POLR3GL: variants seen among roughly 807,000 people sequenced by gnomAD.
The protein encoded by POLR3GL is RNA polymerase III subunit GL.
In POLR3GL, 26 loss-of-function variants were observed where a neutral mutation model predicts 32.4. The ratio of observed to expected loss-of-function variants is 0.80; its 90% CI spans 0.59 to 1.11. The LOEUF (loss-of-function observed/expected upper bound fraction) is 1.11, where lower values mean the gene tolerates loss of function less well. Among genes scored for constraint, POLR3GL ranks in the 50% most tolerant of loss-of-function variants. The probability of loss-of-function intolerance (pLI) is 0.00; values close to 1 mark genes in which losing one functional copy is unlikely to be tolerated. For synonymous variants in POLR3GL, 95 were observed against 98.7 expected (o/e 0.96, Z 0.22); for missense variants, 229 against 280.1 (o/e 0.82, Z 1.30).
intron 1 of POLR3GL, among the ~76,000 whole-genome samples, chr1:145,965,994 T>A (rs1203400290): frequency 6.6e-6 from 1 of 151,680 alleles, no homozygotes; most frequent in African/African-American, 2.4e-5. Context: ...CGCATGCCTG[T>A]AATCCCAGCT....
chr1:145,971,958 CTG>C (rs1299755918), intron 1 of POLR3GL, among the ~76,000 whole-genome samples: 1 of 79,532 alleles, frequency 1.3e-5, no homozygotes, highest in Non-Finnish European at 2.1e-5. Context: ...GAGTGAGACT[CTG>C]TCTCAAAAAA....
rs1650634651 is a variant in POLR3GL, at chr1:145,977,848, A to G, written c.453A>G (p.Leu151=). Reference sequence around the variant, plus strand: ...ATAAGGAGGAAACAATACAGAAACTAGAGGTGAGGAGGAAGTGTGCATAGA... The same window carrying G: ...ATAAGGAGGAAACAATACAGAAACTGGAGGTGAGGAGGAAGTGTGCATAGA... The part of the protein sequence containing the change: ...TEDKEETIQK[L]ETLEKKEEEV... Residue 151 remains leucine, a synonymous_variant, in exon 6 of 8, where the codon CTA becomes CTG. Coordinates refer to ENST00000369314, the MANE Select transcript of POLR3GL (RefSeq NM_032305.3). The G allele has an allele frequency of 2.5e-6, 4 of 1,613,922 alleles. No individual in the cohort carries two copies. The South Asian group carries it at 4.4e-5, about 18-fold the overall frequency.
chr1:145,977,170 T>A lies in POLR3GL; in HGVS notation c.325+18T>A, dbSNP rs367847486. On this transcript the variant is annotated intron_variant, in intron 4 of 7. Coordinates refer to ENST00000369314, the MANE Select transcript of POLR3GL (RefSeq NM_032305.3). ...GAACCCTGGTAGGTGATGGGCCCTT[T>A]CATTGACTGCCCTTCTTTCAAATGC... is the stretch of plus-strand genomic sequence containing the variant. The A allele has an allele frequency of 5.3e-5, 85 of 1,597,642 alleles. No homozygotes were observed. The African/African-American group carries it at 7.8e-4, about 15-fold the overall frequency.
rs1210326375 is a variant in POLR3GL, at chr1:145,977,488, C to T, written c.331C>T (p.Arg111Trp). 9 of 1,613,732 alleles carry T rather than the reference C, an allele frequency of 5.6e-6. No homozygotes were observed. Among genetic ancestry groups the T allele is most frequent in the East Asian group, 2.2e-5 (1 of 44,896 alleles). ...TACGTTCCCACTATTCCCAGATTGG[C>T]GGCGTCTACCCCGGGAGCTAAAGAT... ...DNAIDWNPDW[R>W]RLPRELKIRV... The change falls in exon 5 of 8, where the codon CGG (arginine) becomes TGG (tryptophan). Residue 111 changes from arginine (R) to tryptophan (W), a missense_variant. Arg to Trp is a moderately radical substitution (Grantham distance 101, BLOSUM62 -3). Coordinates refer to ENST00000369314, the MANE Select transcript of POLR3GL (RefSeq NM_032305.3).
intron 1 of POLR3GL, among the ~76,000 whole-genome samples, chr1:145,971,185 C>CA (rs36126138): frequency 0.75 from 68,017 of 90,918 alleles, 26,102 homozygotes; most frequent in Non-Finnish European, 0.84. Flanking sequence ...AACTCCATCT[C>CA]AAAAAAAAAA....
At chr1:145,965,667 C>G (rs1454833385) in intron 1 of POLR3GL, among the ~76,000 whole-genome samples, 1 of 152,184 alleles carries the variant, frequency 6.6e-6, no homozygotes, top group African/African-American at 2.4e-5. Context: ...AATTTTTACC[C>G]AGCTTCTATG....
At position 145,978,623 on chromosome 1, in the gene POLR3GL, T is replaced by C. The variant is rs1650676063; in HGVS notation, c.*176T>C. Reference sequence around the variant, plus strand: ...TTTCTACACTTCCCCTCCTTCCACATTTGTATCACCTTTGCTATCTTGGGG... The same window carrying C: ...TTTCTACACTTCCCCTCCTTCCACACTTGTATCACCTTTGCTATCTTGGGG... On this transcript the variant is annotated 3_prime_UTR_variant, in exon 8 of 8. Transcript: ENST00000369314. The C allele has an allele frequency of 1.6e-6, 1 of 622,792 alleles. No homozygotes were observed. The allele number at this position is 622,792 out of a possible 1,614,324, so 38.6% of individuals were successfully genotyped here. A position where few individuals can be genotyped will look rare whatever the true frequency, so the allele number is the denominator to read the frequency against.
At chr1:145,972,814 T>C (rs1650380687) in intron 1 of POLR3GL, among the ~76,000 whole-genome samples, 1 of 152,012 alleles carries the variant, frequency 6.6e-6, no homozygotes, top group South Asian at 2.1e-4. Flanking sequence ...TCCTTCCCAG[T>C]AGGGAAGGAT....
rs587640522 is a variant in POLR3GL at position 145,974,045 on chromosome 1, T to C, written c.-41-780T>C. On this transcript the variant is annotated intron_variant, in intron 1 of 7. Coordinates refer to ENST00000369314, the MANE Select transcript of POLR3GL (RefSeq NM_032305.3). ...TACTTGGGAGGCTAAGGCAGGAGGA[T>C]CACCTGAGCCCAGGAGGTTGAGGCT... Among the ~76,000 whole-genome samples, 12 of 149,130 alleles carry C rather than the reference T, an allele frequency of 8.0e-5. 1 individual carries two copies. The South Asian group carries it at 2.6e-3, about 32-fold the overall frequency.
chr1:145,974,659 A>G (rs1366617839), intron 1 of POLR3GL, among the ~76,000 whole-genome samples, 166 bp from the exon 2 acceptor site: 2 of 152,220 alleles, frequency 1.3e-5, no homozygotes, highest in Non-Finnish European at 2.9e-5. Flanking sequence ...ATTCATGTTT[A>G]TATTTCCAGA....
Position 145,977,142 on chromosome 1 carries a change from T to C in POLR3GL, c.315T>C (p.Asp105=), listed in dbSNP as rs1553763539. The C allele has an allele frequency of 3.1e-6, 5 of 1,613,606 alleles. No individual in the cohort carries two copies. Among genetic ancestry groups the C allele is most frequent in the Admixed American group, 1.7e-5 (1 of 59,986 alleles). Residue 105 remains aspartate (D), a synonymous_variant, in exon 4 of 8, where the codon GAT becomes GAC. Transcript: ENST00000369314. The stretch of plus-strand genomic sequence containing the variant: ...CAGGTCCGATTGACAATGCCATCGA[T>C]TGGAACCCTGGTAGGTGATGGGCCC... ...QMSGPIDNAI[D]WNPDWRRLPR...
chr1:145,977,648 C>G lies in POLR3GL; in HGVS notation c.382+109C>G, dbSNP rs1650623976. On this transcript the variant is annotated intron_variant, in intron 5 of 7. Coordinates refer to ENST00000369314, the MANE Select transcript of POLR3GL (RefSeq NM_032305.3). ...CATCCCAGTTCCTATACCCAATCTA[C>G]CAAGTGTTGTTGCTAGATGTCATAG... The G allele has an allele frequency of 3.1e-6, 4 of 1,304,018 alleles. No homozygotes were observed. In the South Asian group the frequency reaches 3.6e-5, roughly 12 times the overall value. The allele number at this position is 1,304,018 out of a possible 1,614,324, so 80.8% of individuals were successfully genotyped here. A position where few individuals can be genotyped will look rare whatever the true frequency, so the allele number is the denominator to read the frequency against.
chr1:145,975,840 T>A (rs1553763313), intron 3 of POLR3GL, among the ~76,000 whole-genome samples: 2 of 152,000 alleles, frequency 1.3e-5, no homozygotes, highest in African/African-American at 2.4e-5. Flanking sequence ...CCCAGCAAAA[T>A]TTTTAACAAT....
At chr1:145,976,384 T>G (rs1571000123) in intron 3 of POLR3GL, among the ~76,000 whole-genome samples, 1 of 146,336 alleles carries the variant, frequency 6.8e-6, no homozygotes, top group African/African-American at 2.5e-5. Context: ...CAAGACCAGC[T>G]TGGCCAACAT....
chr1:145,978,495 C>T lies in POLR3GL; in HGVS notation c.*48C>T, dbSNP rs1286835307. The stretch of plus-strand genomic sequence containing the variant: ...TCTTTCTTTAGGATACAGAGAGTAA[C>T]TGTACCTATTATTTGTTTCTTCAGA... On this transcript the variant is annotated 3_prime_UTR_variant, in exon 8 of 8. Transcript: ENST00000369314. 4 of 1,157,914 alleles carry T rather than the reference C, an allele frequency of 3.5e-6. No individual in the cohort carries two copies. The Admixed American group carries it at 5.6e-5, about 16-fold the overall frequency. 71.7% of individuals were successfully genotyped at this position (1,157,914 alleles called of 1,614,324 possible).
At chr1:145,966,116 C>CAAAAA (rs58691867) in intron 1 of POLR3GL, among the ~76,000 whole-genome samples, 1 of 37,134 alleles carries the variant, frequency 2.7e-5, no homozygotes, top group African/African-American at 1.1e-4. Flanking sequence ...AACTCCCTCT[C>CAAAAA]AAAAAAAAAA....
chr1:145,975,188 C>T (rs1650497057), intron 2 of POLR3GL, 119 bp from the exon 3 acceptor site: 2 of 1,392,436 alleles, frequency 1.4e-6, no homozygotes, highest in Non-Finnish European at 2.0e-6. Flanking sequence ...ATGTTACTCC[C>T]TCGATTGTCA....
At chr1:145,978,158 C>T (rs1650649826) in intron 7 of POLR3GL, 62 bp downstream of exon 7, 3 of 1,559,484 alleles carry the variant, frequency 1.9e-6, no homozygotes, top group African/African-American at 2.7e-5. Context: ...TAGGGTTGCT[C>T]TCCTCAGAGG....
In POLR3GL at chr1:145,978,797, T is replaced by C. The variant is rs1358298298; in HGVS notation, c.*350T>C. On this transcript the variant is annotated 3_prime_UTR_variant, in exon 8 of 8. Transcript: ENST00000369314. The stretch of plus-strand genomic sequence containing the variant: ...GGAGATAATTAGGGGTGGGAGCAGT[T>C]TGAAGGAGTAAGCCTGGTTTTATAC... 9.0e-6 allele frequency: 2 copies of C among 221,548 alleles called. No homozygotes were observed. The highest frequency in any genetic ancestry group is 5.5e-5 in the Admixed American group (1 of 18,346). 13.7% of individuals were successfully genotyped at this position (221,548 alleles called of 1,614,324 possible). A position where few individuals can be genotyped will look rare whatever the true frequency, so the allele number is the denominator to read the frequency against.
Sources: gnomAD v4.1 joint callset for allele counts (sites outside exome capture counted in the v4.1 genomes callset) on GRCh38, gnomAD v4.1.1 for gene constraint, MANE v1.5 for transcripts, NCBI Gene and HGNC (gene_info 2026-07-23, HGNC 2026-07-21) for gene names.